The following ZNF362 variants were observed in gnomAD, a reference collection of about 807,000 sequenced individuals.
ZNF362 encodes zinc finger protein 362.
ZNF362 carries 11 observed loss-of-function variants against 42.9 expected under a neutral mutation model. The observed-to-expected ratio is 0.26, with a 90% CI of 0.16 to 0.42. The LOEUF (loss-of-function observed/expected upper bound fraction) is 0.42. Among genes scored for constraint, ZNF362 ranks in the 20% least tolerant of loss-of-function variants. The pLI is 1.00. For synonymous variants in ZNF362, 255 were observed against 257.3 expected (o/e 0.99, Z 0.09); for missense variants, 362 against 576.2 (o/e 0.63, Z 3.81).
the ZNF362 span, among the ~76,000 whole-genome samples, chr1:33,220,001 A>G: frequency 6.6e-6 from 1 of 152,198 alleles, no homozygotes; most frequent in Admixed American, 6.5e-5. Context: ...CCTGGCTCAG[A>G]AGGGGAAACT....
Position 33,280,333 on chromosome 1 carries a change from C to T in ZNF362, c.559C>T (p.Pro187Ser), listed in dbSNP as rs369076583. 11 of 1,613,932 alleles carry T rather than the reference C, an allele frequency of 6.8e-6. No individual in the cohort carries two copies. The highest frequency in any genetic ancestry group is 1.6e-4 in the Middle Eastern group (1 of 6,084). ...AATCCAGGGCCACGGCCTGCTTGGC[C>T]CCCCCAAGTCCGAACGCGGCCGCAA... ...KTIQGHGLLG[P>S]PKSERGRKKI... The change falls in exon 5 of 9, where the codon CCC becomes TCC. Residue 187 changes from proline to serine, a missense_variant. Pro to Ser is a moderately conservative substitution (Grantham distance 74, BLOSUM62 -1). This residue lies in a region of ZNF362 where 266 missense variants were observed against 365.4 expected (regional missense o/e 0.73). Coordinates refer to ENST00000539719, the MANE Select transcript of ZNF362 (RefSeq NM_152493.3). The surrounding 1 kb of genome is among the most constrained non-coding windows in gnomAD (Gnocchi z 5.6).
At chr1:33,244,512 G>A in the ZNF362 span, among the ~76,000 whole-genome samples, 4 of 152,238 alleles carry the variant, frequency 2.6e-5, no homozygotes, top group African/African-American at 7.2e-5. The surrounding 1 kb of genome is among the most constrained non-coding windows in gnomAD (Gnocchi z 4.0). Flanking sequence ...AAGGGGACAA[G>A]GACATTTTGT....
At chr1:33,224,172 T>C in the ZNF362 span, among the ~76,000 whole-genome samples, 2 of 152,114 alleles carry the variant, frequency 1.3e-5, no homozygotes, top group African/African-American at 2.4e-5. Flanking sequence ...AGTCCAGATA[T>C]TGGCACTGAC....
At chr1:33,250,325 T>C in the ZNF362 span, among the ~76,000 whole-genome samples, 1 of 152,114 alleles carries the variant, frequency 6.6e-6, no homozygotes, top group African/African-American at 2.4e-5. Flanking sequence ...AGCAAAGACA[T>C]GGAATCAACC....
At chr1:33,270,457 ATTATTG>A (rs1278370374) in intron 1 of ZNF362, 24 bp from the exon 2 acceptor site, 10 of 644,104 alleles carry the variant, frequency 1.6e-5, no homozygotes, top group South Asian at 9.8e-5. Flanking sequence ...TATTATTGTT[ATTATTG>A]TTATTGTTAT....
chr1:33,147,745 G>A, the ZNF362 span: 1 of 1,601,274 alleles, frequency 6.2e-7, no homozygotes, highest in Non-Finnish European at 8.5e-7. This position sits in a 1 kb window ranked among gnomAD's most constrained non-coding sequence, Gnocchi z 8.1. Context: ...GGTTGGAGGA[G>A]GGAGAGAAGA....
the ZNF362 span, among the ~76,000 whole-genome samples, chr1:33,168,236 C>T: frequency 6.6e-6 from 1 of 152,152 alleles, no homozygotes; most frequent in Non-Finnish European, 1.5e-5. Context: ...TGGCAGCCAT[C>T]TCAGGCCATG....
At chr1:33,147,969 A>G in the ZNF362 span, among the ~76,000 whole-genome samples, 1 of 152,178 alleles carries the variant, frequency 6.6e-6, no homozygotes, top group Non-Finnish European at 1.5e-5. This position sits in a 1 kb window ranked among gnomAD's most constrained non-coding sequence, Gnocchi z 8.1. Context: ...CTGCTTGTTC[A>G]CTGCCTGATG....
At chr1:33,187,077 G>C in the ZNF362 span, among the ~76,000 whole-genome samples, 1 of 152,106 alleles carries the variant, frequency 6.6e-6, no homozygotes. Flanking sequence ...TCTGGGAAAT[G>C]GTACAAAACC....
chr1:33,207,795 TG>T, the ZNF362 span, among the ~76,000 whole-genome samples: 7 of 152,224 alleles, frequency 4.6e-5, no homozygotes, highest in African/African-American at 7.2e-5. Context: ...TTGATGGGGT[TG>T]TTTTTTTTCT....
chr1:33,217,596 C>T, the ZNF362 span, among the ~76,000 whole-genome samples: 1 of 152,168 alleles, frequency 6.6e-6, no homozygotes, highest in Non-Finnish European at 1.5e-5. Context: ...TCTGACTGTT[C>T]TCTTTCTTCA....
At chr1:33,279,646 C>T (rs201723190) in intron 4 of ZNF362, among the ~76,000 whole-genome samples, 1 of 147,344 alleles carries the variant, frequency 6.8e-6, no homozygotes, top group Non-Finnish European at 1.5e-5. Flanking sequence ...AGTTAAGCCT[C>T]TTTTTTTTTT....
In ZNF362 at chr1:33,276,170, C is replaced by G; in HGVS notation, c.102+7C>G. On this transcript the variant is annotated splice_region_variant and intron_variant, in intron 3 of 8. Coordinates refer to ENST00000539719, the MANE Select transcript of ZNF362 (RefSeq NM_152493.3). Reference sequence around the variant, plus strand: ...TCCCACCATGCCCAGCCAGGTAAGACTGACGTCGCCCCTCCGGCTGCCCTA... The same window carrying G: ...TCCCACCATGCCCAGCCAGGTAAGAGTGACGTCGCCCCTCCGGCTGCCCTA... The G allele has an allele frequency of 6.2e-7, 1 of 1,613,272 alleles. No individual in the cohort carries two copies. The highest frequency in any genetic ancestry group is 8.5e-7 in the Non-Finnish European group (1 of 1,179,948).
chr1:33,134,564 G>A, the ZNF362 span, among the ~76,000 whole-genome samples: 36 of 152,292 alleles, frequency 2.4e-4, 1 homozygote, highest in African/African-American at 8.4e-4. Flanking sequence ...GAGACACAAG[G>A]GGACCCATGG....
chr1:33,161,825 G>T, the ZNF362 span, among the ~76,000 whole-genome samples: 1 of 152,160 alleles, frequency 6.6e-6, no homozygotes, highest in African/African-American at 2.4e-5. The surrounding 1 kb of genome is among the most constrained non-coding windows in gnomAD (Gnocchi z 4.3). Flanking sequence ...CCCTCTCCTA[G>T]TTGAAAGTTC....
chr1:33,237,036 A>G, the ZNF362 span, among the ~76,000 whole-genome samples: 1 of 151,990 alleles, frequency 6.6e-6, no homozygotes, highest in Non-Finnish European at 1.5e-5. Context: ...ACACCATTGC[A>G]CTCCAGCCTG....
the ZNF362 span, among the ~76,000 whole-genome samples, chr1:33,189,709 G>GTATATATATATA: frequency 5.6e-4 from 7 of 12,452 alleles, no homozygotes; most frequent in South Asian, 2.1e-3. Context: ...ACATATATAC[G>GTATATATATATA]TATATATATA....
chr1:33,171,707 G>A, the ZNF362 span, among the ~76,000 whole-genome samples: 1 of 152,196 alleles, frequency 6.6e-6, no homozygotes, highest in African/African-American at 2.4e-5. Flanking sequence ...ATCCAGAACA[G>A]CTGACAACAC....
At chr1:33,269,425 G>A (rs1036011499) in intron 1 of ZNF362, among the ~76,000 whole-genome samples, 6 of 152,076 alleles carry the variant, frequency 3.9e-5, no homozygotes, top group Non-Finnish European at 5.9e-5. Flanking sequence ...TTTTTCTGAC[G>A]CAGGTTTTTA....
Sources: gnomAD v4.1 joint callset for allele counts (sites outside exome capture counted in the v4.1 genomes callset) on GRCh38, gnomAD v4.1.1 for gene constraint, gnomAD v4.1.1 regional missense constraint, Gnocchi (gnomAD v3.1) non-coding constraint, MANE v1.5 for transcripts, NCBI Gene and HGNC (gene_info 2026-07-23, HGNC 2026-07-21) for gene names.